The following CCDC7 variants were observed in gnomAD, a reference collection of about 807,000 sequenced individuals.
CCDC7 encodes coiled-coil domain-containing protein 7.
A neutral mutation model predicts 196.9 loss-of-function variants in CCDC7; 183 were observed. The observed-to-expected ratio is 0.93, with a 90% CI of 0.82 to 1.05. CCDC7 has a LOEUF of 1.05. Among genes scored for constraint, CCDC7 ranks in the 50% least tolerant of loss-of-function variants. The pLI is 0.00. For missense variants in CCDC7, 1,540 were observed against 1,482.2 expected, an observed-to-expected ratio of 1.04 and a Z score of -0.64; for synonymous variants, 525 against 484.6, an observed-to-expected ratio of 1.08 and a Z score of -1.10.
chr10:32,467,308 C>T (rs916906721), intron 5 of CCDC7, among the ~76,000 whole-genome samples: 1 of 150,888 alleles, frequency 6.6e-6, no homozygotes, highest in East Asian at 1.9e-4. Context: ...GACGGGGTTT[C>T]ACCATGTTGT....
At chr10:32,732,799 C>T (rs566221356) in intron 28 of CCDC7, among the ~76,000 whole-genome samples, 2 of 152,130 alleles carry the variant, frequency 1.3e-5, no homozygotes, top group African/African-American at 4.8e-5. Flanking sequence ...TGTAGCAACT[C>T]TCTTTGCCAT....
intron 33 of CCDC7, among the ~76,000 whole-genome samples, chr10:32,838,951 A>T (rs1593317263): frequency 6.6e-6 from 1 of 151,976 alleles, no homozygotes; most frequent in Non-Finnish European, 1.5e-5. Flanking sequence ...ATTTGCCACT[A>T]CCTAGCCAGT....
intron 17 of CCDC7, 26 bp downstream of exon 18, chr10:32,583,333 G>C (rs2058922720): frequency 1.7e-6 from 2 of 1,201,224 alleles, no homozygotes; most frequent in African/African-American, 1.6e-5. Flanking sequence ...AAACTTGAAA[G>C]CTGTTTATTT....
At chr10:32,552,966 C>CT (rs2053715176) in intron 13 of CCDC7, among the ~76,000 whole-genome samples, 1 of 152,058 alleles carries the variant, frequency 6.6e-6, no homozygotes, top group Non-Finnish European at 1.5e-5. Context: ...ATGTCTAGAT[C>CT]TTTAGCAAGG....
intron 28 of CCDC7, among the ~76,000 whole-genome samples, chr10:32,757,686 A>T (rs974989107): frequency 3.3e-5 from 5 of 152,250 alleles, no homozygotes; most frequent in Admixed American, 6.5e-5. Context: ...CATCACAATT[A>T]AAAGAACTAG....
At chr10:32,756,479 A>T (rs954573645) in intron 28 of CCDC7, among the ~76,000 whole-genome samples, 1 of 152,222 alleles carries the variant, frequency 6.6e-6, no homozygotes, top group African/African-American at 2.4e-5. Flanking sequence ...TTTTCAACCC[A>T]GAATTTCATA....
At chr10:32,585,928 T>C (rs2059224896) in intron 18 of CCDC7, among the ~76,000 whole-genome samples, 2 of 152,154 alleles carry the variant, frequency 1.3e-5, no homozygotes, top group Admixed American at 1.3e-4. Flanking sequence ...TTTCTAGTTC[T>C]AGATCCTTGA....
At chr10:32,742,550 A>G (rs572260588) in intron 28 of CCDC7, among the ~76,000 whole-genome samples, 2 of 152,024 alleles carry the variant, frequency 1.3e-5, no homozygotes, top group African/African-American at 2.4e-5. Flanking sequence ...TGTGTCCATG[A>G]TTTTGCTTTT....
At chr10:32,451,697 G>A (rs1373962201) in exon 1 of CCDC7, 1 of 1,613,486 alleles carries the variant, frequency 6.2e-7, no homozygotes, top group Non-Finnish European at 8.5e-7. Context: ...AAATGTTCCA[G>A]CATTAACTAC....
intron 18 of CCDC7, among the ~76,000 whole-genome samples, chr10:32,591,714 GT>G (rs1397719004): frequency 2.6e-5 from 4 of 152,146 alleles, no homozygotes; most frequent in African/African-American, 7.2e-5. Context: ...CCCATGGGGA[GT>G]GCTGCCAGGG....
At position 32,495,590 on chromosome 10, in the gene CCDC7, A is replaced by G. The variant is rs564209655; in HGVS notation, c.872+3593A>G. ...GTATAAGGTGTAAGGAAGGGATCCCAGTTTTAGTTTTCTGCCTATGGCTAG... is the reference window on the plus strand; with the variant it reads ...GTATAAGGTGTAAGGAAGGGATCCCGGTTTTAGTTTTCTGCCTATGGCTAG... On this transcript the variant is annotated intron_variant, in intron 9 of 41. Coordinates refer to ENST00000639629, the Ensembl canonical transcript of CCDC7. 1.2e-4 allele frequency among the ~76,000 whole-genome samples: 18 copies of G among 152,284 alleles called. 1 individual carries two copies. The highest frequency in any genetic ancestry group is 3.3e-4 in the Admixed American group (5 of 15,284).
At chr10:32,840,588 G>A (rs1395503880) in intron 33 of CCDC7, among the ~76,000 whole-genome samples, 1 of 151,930 alleles carries the variant, frequency 6.6e-6, no homozygotes, top group African/African-American at 2.4e-5. Flanking sequence ...AGAAGAATTG[G>A]TACCAATCCT....
rs2060549351 is a variant in CCDC7, at chr10:32,597,765, T to TA, written c.1801+13461_1801+13462insA. Among the ~76,000 whole-genome samples the TA allele has an allele frequency of 2.0e-5, 3 of 152,248 alleles. No individual in the cohort carries two copies. In the South Asian group the frequency reaches 6.2e-4, roughly 31 times the overall value. On this transcript the variant is annotated intron_variant, in intron 18 of 41. Coordinates refer to ENST00000639629, the Ensembl canonical transcript of CCDC7. ...CAGTCAGGACCGTCAGCTGCCGGTC[T>TA]CTTGGGGTGTGCTGGCGGTCCACGC...
chr10:32,870,096 A>G (rs2094371557), intron 41 of CCDC7, among the ~76,000 whole-genome samples: 1 of 152,114 alleles, frequency 6.6e-6, no homozygotes, highest in Non-Finnish European at 1.5e-5. Flanking sequence ...TTGGTGCCAT[A>G]TGAACTTTAA....
At chr10:32,635,145 TGA>T (rs1295488545) in exon 20 of CCDC7, 3 of 398,574 alleles carry the variant, frequency 7.5e-6, no homozygotes, top group African/African-American at 2.1e-5. Context: ...CTACCAGAAA[TGA>T]GAGTTTTCAT....
At chr10:32,826,998 G>A (rs2091226503) in intron 32 of CCDC7, among the ~76,000 whole-genome samples, 1 of 152,230 alleles carries the variant, frequency 6.6e-6, no homozygotes, top group Admixed American at 6.5e-5. Context: ...GTATGTGGGT[G>A]GACCTCTCTG....
intron 29 of CCDC7, 61 bp from the exon 31 acceptor site, chr10:32,804,954 C>G (rs1384088232): frequency 2.1e-6 from 2 of 947,014 alleles, no homozygotes; most frequent in African/African-American, 3.3e-5. Context: ...CACACACACC[C>G]CTCACATTCC....
chr10:32,844,608 T>A (rs548396778), intron 33 of CCDC7, among the ~76,000 whole-genome samples: 131 of 151,984 alleles, frequency 8.6e-4, no homozygotes, highest in African/African-American at 3.1e-3. Flanking sequence ...TATATTATCA[T>A]CATAAACTTT....
At chr10:32,451,876 A>G (rs764011965) in exon 1 of CCDC7, 186 of 1,612,664 alleles carry the variant, frequency 1.2e-4, no homozygotes, top group Non-Finnish European at 1.5e-4. Context: ...AGAACTTACT[A>G]CCAGAAGATG....
Sources: allele counts gnomAD v4.1 joint callset (sites outside exome capture counted in the v4.1 genomes callset), GRCh38; gene constraint gnomAD v4.1.1; transcripts MANE v1.5; gene names NCBI Gene and HGNC (gene_info 2026-07-23, HGNC 2026-07-21).